The following LHFPL3 variants were observed in gnomAD, a reference collection of about 807,000 sequenced individuals.
LHFPL3 encodes LHFPL tetraspan subfamily member 3.
A neutral mutation model predicts 19.3 loss-of-function variants in LHFPL3; 5 were observed. The ratio of observed to expected loss-of-function variants is 0.26; its 90% confidence interval spans 0.14 to 0.54. The LOEUF (loss-of-function observed/expected upper bound fraction) is 0.54, where lower values mean the gene tolerates loss of function less well. Ranked by LOEUF, LHFPL3 falls within the 20% of genes least tolerant of loss-of-function variation. LHFPL3 has a pLI of 0.94. For synonymous variants in LHFPL3, 133 were observed against 126.2 expected, an observed-to-expected ratio of 1.05 and a Z score of -0.36; for missense variants, 249 against 307.4, an observed-to-expected ratio of 0.81 and a Z score of 1.42.
At chr7:104,656,908 T>C (rs1050531858) in intron 1 of LHFPL3, among the ~76,000 whole-genome samples, 2 of 152,266 alleles carry the variant, frequency 1.3e-5, no homozygotes, top group African/African-American at 4.8e-5. Context: ...TCCTTTGGAA[T>C]CCATGTTACA....
At chr7:104,612,277 T>C (rs958677333) in intron 1 of LHFPL3, among the ~76,000 whole-genome samples, 1 of 152,206 alleles carries the variant, frequency 6.6e-6, no homozygotes, top group Non-Finnish European at 1.5e-5. Context: ...TTTTCATATT[T>C]GTAAACTGCT....
At chr7:104,543,505 G>A (rs974402194) in intron 1 of LHFPL3, among the ~76,000 whole-genome samples, 1 of 151,706 alleles carries the variant, frequency 6.6e-6, no homozygotes, top group Non-Finnish European at 1.5e-5. Context: ...CAAAGACTTG[G>A]AACCAACCCA....
intron 1 of LHFPL3, among the ~76,000 whole-genome samples, chr7:104,411,890 G>T (rs548522754): frequency 1.4e-4 from 21 of 152,260 alleles, no homozygotes; most frequent in African/African-American, 4.8e-4. Flanking sequence ...CAAGCAAGTA[G>T]CAATATTTTA....
chr7:104,491,347 C>T (rs1793347429), intron 1 of LHFPL3, among the ~76,000 whole-genome samples: 1 of 152,044 alleles, frequency 6.6e-6, no homozygotes, highest in Admixed American at 6.6e-5. Flanking sequence ...CTCCCCTACC[C>T]CCCAGCAGGC....
chr7:104,579,057 T>TTA (rs958133794), intron 1 of LHFPL3, among the ~76,000 whole-genome samples: 12 of 152,332 alleles, frequency 7.9e-5, no homozygotes, highest in African/African-American at 2.9e-4. Flanking sequence ...AACATACTGC[T>TTA]TATGTTGCCC....
chr7:104,592,792 C>A (rs1048723086), intron 1 of LHFPL3, among the ~76,000 whole-genome samples: 45 of 152,272 alleles, frequency 3.0e-4, no homozygotes, highest in South Asian at 2.1e-4. Flanking sequence ...CCTACTCAAG[C>A]CTCAGCAATG....
At chr7:104,791,707 A>C (rs1003915186) in intron 2 of LHFPL3, among the ~76,000 whole-genome samples, 3 of 152,230 alleles carry the variant, frequency 2.0e-5, no homozygotes, top group Non-Finnish European at 4.4e-5. Flanking sequence ...CACAGATCAA[A>C]GAACAGGAGA....
At chr7:104,797,591 A>G (rs936886025) in intron 2 of LHFPL3, among the ~76,000 whole-genome samples, 13 of 151,946 alleles carry the variant, frequency 8.6e-5, no homozygotes, top group African/African-American at 1.7e-4. Context: ...TTTAATTCCA[A>G]TATACCTTAG....
chr7:104,493,698 T>A (rs1793402697), intron 1 of LHFPL3, among the ~76,000 whole-genome samples: 1 of 152,126 alleles, frequency 6.6e-6, no homozygotes, highest in African/African-American at 2.4e-5. Flanking sequence ...ACTTGTGCAA[T>A]AATTCTTGTC....
intron 1 of LHFPL3, among the ~76,000 whole-genome samples, chr7:104,589,491 A>G (rs1449257444): frequency 6.6e-6 from 1 of 152,108 alleles, no homozygotes; most frequent in Non-Finnish European, 1.5e-5. Flanking sequence ...AAGCTTTTTG[A>G]TGTGCTGCTG....
intron 1 of LHFPL3, among the ~76,000 whole-genome samples, chr7:104,736,170 G>A (rs1006598139): frequency 1.3e-5 from 2 of 152,122 alleles, no homozygotes; most frequent in Admixed American, 6.5e-5. Flanking sequence ...TCTGTGGCAG[G>A]GGAAGAGGGG....
intron 1 of LHFPL3, among the ~76,000 whole-genome samples, chr7:104,465,002 G>T (rs536975186): frequency 6.6e-6 from 1 of 152,212 alleles, no homozygotes; most frequent in East Asian, 1.9e-4. Flanking sequence ...TAAATGCTTT[G>T]CTACTTAGAA....
intron 1 of LHFPL3, among the ~76,000 whole-genome samples, chr7:104,364,333 G>T (rs560245980): frequency 1.3e-5 from 2 of 152,196 alleles, no homozygotes; most frequent in Admixed American, 1.3e-4. Flanking sequence ...GTTGTGGACT[G>T]CATTTTCTCT....
chr7:104,472,756 T>C (rs151157402), intron 1 of LHFPL3, among the ~76,000 whole-genome samples: 14 of 152,370 alleles, frequency 9.2e-5, no homozygotes, highest in Admixed American at 3.9e-4. Flanking sequence ...CCAGTTTTTT[T>C]CTGCACATTT....
At chr7:104,540,513 T>C (rs1159368215) in intron 1 of LHFPL3, among the ~76,000 whole-genome samples, 4 of 152,140 alleles carry the variant, frequency 2.6e-5, no homozygotes, top group Admixed American at 2.6e-4. Flanking sequence ...AGTGCCAAGG[T>C]TGAAGAACAC....
chr7:104,739,384 A>G lies in LHFPL3; in HGVS notation c.682+2473A>G, dbSNP rs1473568725. ...TGTGAATATAGTTTCATTAAACAGT[A>G]GTTTAGTAGTGTTCAGGTGCATGTA... On this transcript the variant is annotated intron_variant, in intron 2 of 2. Coordinates refer to ENST00000424859, the MANE Select transcript of LHFPL3 (RefSeq NM_199000.3). Among the ~76,000 whole-genome samples, 5 of 152,232 alleles carry G rather than the reference A, an allele frequency of 3.3e-5. No homozygotes were observed. The East Asian group carries it at 9.6e-4, about 29-fold the overall frequency.
intron 2 of LHFPL3, among the ~76,000 whole-genome samples, chr7:104,829,447 A>G (rs947025056): frequency 1.3e-5 from 2 of 151,792 alleles, no homozygotes; most frequent in African/African-American, 4.9e-5. Flanking sequence ...GTCATTTAGC[A>G]TTAGGTATAT....
chr7:104,782,900 C>T (rs1480717448), intron 2 of LHFPL3, among the ~76,000 whole-genome samples: 1 of 152,274 alleles, frequency 6.6e-6, no homozygotes, highest in Non-Finnish European at 1.5e-5. Context: ...TTCTATGCAG[C>T]AACCCCCATT....
At chr7:104,497,309 GAAA>G (rs34908934) in intron 1 of LHFPL3, among the ~76,000 whole-genome samples, 1 of 96,688 alleles carries the variant, frequency 1.0e-5, no homozygotes, top group African/African-American at 3.3e-5. Context: ...TTGAGAAAAG[GAAA>G]AAAAAAAAAA....
Sources: gnomAD v4.1 joint callset for allele counts (sites outside exome capture counted in the v4.1 genomes callset) on GRCh38, gnomAD v4.1.1 for gene constraint, MANE v1.5 for transcripts, NCBI Gene and HGNC (gene_info 2026-07-23, HGNC 2026-07-21) for gene names.